The following NUP133 variants were observed in gnomAD, a reference collection of about 807,000 sequenced individuals.
NUP133 encodes nuclear pore complex protein Nup133.
In NUP133, 66 loss-of-function variants were observed where a neutral mutation model predicts 146.2. That is an observed-to-expected ratio of 0.45 (90% CI 0.37 to 0.55). NUP133 has a LOEUF of 0.55. Among genes scored for constraint, NUP133 ranks in the 20% least tolerant of loss-of-function variants. NUP133 has a pLI of 0.00. For synonymous variants in NUP133, 521 were observed against 498.8 expected, an observed-to-expected ratio of 1.04 and a Z score of -0.59; for missense variants, 1,277 against 1,374.8, an observed-to-expected ratio of 0.93 and a Z score of 1.12.
intron 24 of NUP133, among the ~76,000 whole-genome samples, chr1:229,447,906 T>A (rs1451404727): frequency 6.6e-6 from 1 of 152,086 alleles, no homozygotes; most frequent in African/African-American, 2.4e-5. Context: ...AGGACTGGTA[T>A]CACAAGACAC....
Position 229,464,848 on chromosome 1 carries a change from G to T in NUP133, c.2327C>A (p.Thr776Lys). The T allele has an allele frequency of 6.2e-7, 1 of 1,614,146 alleles. No homozygotes were observed. Among genetic ancestry groups the T allele is most frequent in the Non-Finnish European group, 8.5e-7 (1 of 1,180,016 alleles). The stretch of plus-strand genomic sequence containing the variant: ...AATCTCATGCTGGCGTATTATTACC[G>T]TTCGGATGCCACCAGGACCACTTGT... ...TATSGPGGIRTVIIRQHEIVL... is the reference protein window; with the variant it reads ...TATSGPGGIRKVIIRQHEIVL... Residue 776 changes from threonine (T) to lysine (K), a missense_variant, in exon 18 of 26, where the codon ACG (threonine) becomes AAG (lysine). Around this residue, in one of 3 missense-constraint regions of NUP133, gnomAD observed 952 missense variants for 1,047.0 expected, o/e 0.91. Transcript: ENST00000261396.
In NUP133 at chr1:229,499,774, A is replaced by G. The variant is rs10916495; in HGVS notation, c.558T>C (p.Tyr186=). Reference sequence around the variant, plus strand: ...TATCTTCACCAGCAAGGCTTGGCCAATAGCGGATAGATCCTTCTCTGGTGG... The same window carrying G: ...TATCTTCACCAGCAAGGCTTGGCCAGTAGCGGATAGATCCTTCTCTGGTGG... ...MVATREGSIR[Y]WPSLAGEDTY... The change falls in exon 5 of 26, where the codon TAT becomes TAC. Residue 186 remains tyrosine (Y), a synonymous_variant. Coordinates refer to ENST00000261396, the MANE Select transcript of NUP133 (RefSeq NM_018230.3). 321,781 of 1,613,370 alleles carry G rather than the reference A, an allele frequency of 0.2. 33,060 individuals are homozygous for G. Among genetic ancestry groups the G allele is most frequent in the Middle Eastern group, 0.24 (1,468 of 6,062 alleles).
chr1:229,462,624 A>G (rs1159443493), intron 19 of NUP133, among the ~76,000 whole-genome samples: 3 of 151,974 alleles, frequency 2.0e-5, no homozygotes, highest in Non-Finnish European at 2.9e-5. Context: ...TAGTGGCACA[A>G]TCTTGGCTCA....
intron 16 of NUP133, among the ~76,000 whole-genome samples, chr1:229,466,285 T>A (rs549063366): frequency 6.6e-6 from 1 of 152,292 alleles, no homozygotes; most frequent in African/African-American, 2.4e-5. Context: ...CAGTGAGCTA[T>A]GATGGTGCCA....
At chr1:229,478,131 C>T (rs1259662737) in intron 12 of NUP133, among the ~76,000 whole-genome samples, 10 of 151,812 alleles carry the variant, frequency 6.6e-5, no homozygotes, top group Admixed American at 1.3e-4. Flanking sequence ...TATACACCTA[C>T]TATGTACCCA....
chr1:229,477,404 C>T (rs1288634652), intron 13 of NUP133, among the ~76,000 whole-genome samples, 193 bp downstream of exon 13: 2 of 145,384 alleles, frequency 1.4e-5, no homozygotes, highest in African/African-American at 5.2e-5. Context: ...CGCGCCACTG[C>T]ACTCCAGCCT....
At chr1:229,491,753 G>C (rs948294768) in intron 8 of NUP133, among the ~76,000 whole-genome samples, 1 of 152,040 alleles carries the variant, frequency 6.6e-6, no homozygotes, top group Non-Finnish European at 1.5e-5. Flanking sequence ...ACTCCAGCCC[G>C]GGCAACAGTG....
At position 229,460,699 on chromosome 1, in the gene NUP133, A is replaced by G. The variant is rs1275417573; in HGVS notation, c.2756T>C (p.Ile919Thr). The G allele has an allele frequency of 3.7e-6, 6 of 1,614,026 alleles. No homozygotes were observed. The highest frequency in any genetic ancestry group is 4.2e-6 in the Non-Finnish European group (5 of 1,180,006). ...GKRGKLLSQP[I>T]SQHGQLANFL... ...ATTTGCCAACTGTCCATGCTGAGAA[A>G]TGGGCTGAGATAATAATTTGCCTCG... The change falls in exon 20 of 26, where the codon ATT becomes ACT. Residue 919 changes from isoleucine (I) to threonine (T), a missense_variant. Ile to Thr is a moderately conservative substitution (Grantham distance 89). Around this residue, in one of 3 missense-constraint regions of NUP133, gnomAD observed 952 missense variants for 1,047.0 expected, o/e 0.91. Coordinates refer to ENST00000261396, the MANE Select transcript of NUP133 (RefSeq NM_018230.3).
At chr1:229,449,280 T>C (rs1660386878) in intron 23 of NUP133, 90 bp from the exon 24 acceptor site, 1 of 730,618 alleles carries the variant, frequency 1.4e-6, no homozygotes, top group Admixed American at 2.7e-5. Context: ...ACTACATACA[T>C]AGAAGCCAAT....
At chr1:229,491,623 C>T (rs1440827844) in intron 8 of NUP133, among the ~76,000 whole-genome samples, 8 of 152,142 alleles carry the variant, frequency 5.3e-5, no homozygotes, top group African/African-American at 1.4e-4. Context: ...TACTAAAATA[C>T]AAAAGTTAGC....
intron 14 of NUP133, among the ~76,000 whole-genome samples, chr1:229,475,160 T>C (rs886224662): frequency 7.9e-5 from 12 of 152,132 alleles, no homozygotes; most frequent in Admixed American, 7.2e-4. Flanking sequence ...TTGAAATTCA[T>C]TCATTTGGCT....
At chr1:229,456,803 CTA>C (rs949003579) in intron 21 of NUP133, among the ~76,000 whole-genome samples, 1 of 150,410 alleles carries the variant, frequency 6.6e-6, no homozygotes, top group African/African-American at 2.4e-5. Flanking sequence ...GTATATCTAT[CTA>C]TCTACATATA....
At chr1:229,478,624 A>C (rs985265550) in intron 12 of NUP133, among the ~76,000 whole-genome samples, 16 of 152,186 alleles carry the variant, frequency 1.1e-4, no homozygotes, top group African/African-American at 3.9e-4. Flanking sequence ...GCCCATAAAA[A>C]GCAGCAGACT....
intron 2 of NUP133, among the ~76,000 whole-genome samples, chr1:229,502,320 G>A (rs1214359927): frequency 6.6e-6 from 1 of 152,022 alleles, no homozygotes; most frequent in Non-Finnish European, 1.5e-5. Context: ...AGCACTTTGG[G>A]AGGCCGAGGT....
At chr1:229,449,875 T>TATATATATATATATATATA (rs1558088585) in intron 23 of NUP133, among the ~76,000 whole-genome samples, 42 of 64,006 alleles carry the variant, frequency 6.6e-4, no homozygotes, top group African/African-American at 9.0e-4. Flanking sequence ...ATATATATAT[T>TATATATATATATATATATA]TTTTTTTTTT....
intron 19 of NUP133, among the ~76,000 whole-genome samples, chr1:229,461,711 T>A (rs1290104000): frequency 6.6e-6 from 1 of 151,874 alleles, no homozygotes; most frequent in African/African-American, 2.4e-5. Context: ...ATGATCAGAG[T>A]AAGCACAAAA....
intron 13 of NUP133, among the ~76,000 whole-genome samples, 175 bp downstream of exon 13, chr1:229,477,422 A>G (rs1430255020): frequency 6.7e-6 from 1 of 149,782 alleles, no homozygotes; most frequent in East Asian, 1.9e-4. Context: ...CCTGGGTGAC[A>G]GAGCCTTGCT....
chr1:229,463,437 G>T, intron 19 of NUP133, 106 bp downstream of exon 19: 1 of 1,249,452 alleles, frequency 8.0e-7, no homozygotes, highest in Non-Finnish European at 1.1e-6. Flanking sequence ...ACTACAAAAA[G>T]ATCGTATCAT....
chr1:229,443,496 G>A (rs1025696382), intron 25 of NUP133, among the ~76,000 whole-genome samples: 1 of 152,096 alleles, frequency 6.6e-6, no homozygotes, highest in Non-Finnish European at 1.5e-5. Flanking sequence ...ATTTAAATAT[G>A]TCTGCAGGAA....
Sources: allele counts gnomAD v4.1 joint callset (sites outside exome capture counted in the v4.1 genomes callset), GRCh38; gene constraint gnomAD v4.1.1; regional missense constraint gnomAD v4.1.1; transcripts MANE v1.5; gene names NCBI Gene and HGNC (gene_info 2026-07-23, HGNC 2026-07-21).